The following NSMCE2 variants were observed in gnomAD, a reference collection of about 807,000 sequenced individuals.
NSMCE2 encodes the protein E3 SUMO-protein ligase NSE2.
In NSMCE2, 24 loss-of-function variants were observed where a neutral mutation model predicts 23.8. The ratio of observed to expected loss-of-function variants is 1.01; its 90% CI spans 0.73 to 1.42. The LOEUF is 1.42. Among genes scored for constraint, NSMCE2 ranks in the 40% most tolerant of loss-of-function variants. NSMCE2 has a pLI of 0.00. For missense variants in NSMCE2, 284 were observed against 296.5 expected (o/e 0.96, Z 0.31); for synonymous variants, 92 against 94.1 (o/e 0.98, Z 0.13).
intron 3 of NSMCE2, among the ~76,000 whole-genome samples, chr8:125,111,259 C>T (rs1253889949): frequency 1.3e-5 from 2 of 152,042 alleles, no homozygotes; most frequent in Admixed American, 6.6e-5. Context: ...CATTTACTGC[C>T]CTCATGAATA....
intron 5 of NSMCE2, among the ~76,000 whole-genome samples, chr8:125,205,063 C>G (rs75789746): frequency 0.028 from 4,260 of 152,262 alleles, 81 homozygotes; most frequent in Non-Finnish European, 0.041. Flanking sequence ...CTTAACATTC[C>G]TAGAAAGTAC....
intron 5 of NSMCE2, among the ~76,000 whole-genome samples, chr8:125,300,737 GAGTAGAAAGGA>G (rs1828527746): frequency 6.6e-6 from 1 of 152,178 alleles, no homozygotes; most frequent in African/African-American, 2.4e-5. Flanking sequence ...GGTGCTTTGA[GAGTAGAAAGGA>G]AGGTGGCCTG....
chr8:125,324,469 A>C (rs1275881259), intron 5 of NSMCE2, among the ~76,000 whole-genome samples: 1 of 18,100 alleles, frequency 5.5e-5, no homozygotes, highest in Non-Finnish European at 2.9e-4. Flanking sequence ...ACTACTCAGC[A>C]AAAAAAAAAA....
At chr8:125,179,487 A>T (rs1333373259) in intron 4 of NSMCE2, among the ~76,000 whole-genome samples, 4 of 151,804 alleles carry the variant, frequency 2.6e-5, no homozygotes, top group Non-Finnish European at 5.9e-5. Flanking sequence ...ATTAAAAAAT[A>T]GTTAGTGCCC....
rs568837673 is a variant in NSMCE2, at chr8:125,144,819, C to T, written c.158-6352C>T. On this transcript the variant is annotated intron_variant, in intron 3 of 7. Transcript: ENST00000287437. ...TGAATTTGATTATAACACAAAATCA[C>T]CCATTTCTGTTTAATGTTCTGTTGA... Among the ~76,000 whole-genome samples the T allele has an allele frequency of 4.6e-5, 7 of 152,272 alleles. No individual in the cohort carries two copies. In the South Asian group the frequency reaches 1.4e-3, roughly 32 times the overall value.
At chr8:125,189,644 C>T (rs1823257913) in intron 5 of NSMCE2, among the ~76,000 whole-genome samples, 1 of 152,154 alleles carries the variant, frequency 6.6e-6, no homozygotes, top group Non-Finnish European at 1.5e-5. Context: ...AAATCCTTTT[C>T]CTCTCAATAC....
At chr8:125,354,688 C>T (rs1813179798) in intron 5 of NSMCE2, among the ~76,000 whole-genome samples, 1 of 152,204 alleles carries the variant, frequency 6.6e-6, no homozygotes, top group Non-Finnish European at 1.5e-5. Context: ...GGACAGCAAG[C>T]TGGCATACAA....
intron 5 of NSMCE2, among the ~76,000 whole-genome samples, chr8:125,239,608 CAA>C (rs71295823): frequency 0.12 from 11,615 of 95,710 alleles, 393 homozygotes; most frequent in South Asian, 0.2. Context: ...GACTCTGTCT[CAA>C]AAAAAAAAAA....
At chr8:125,268,114 G>C (rs1827018604) in intron 5 of NSMCE2, among the ~76,000 whole-genome samples, 1 of 151,506 alleles carries the variant, frequency 6.6e-6, no homozygotes, top group African/African-American at 2.4e-5. Flanking sequence ...GCCACCTGTA[G>C]TTTCAGCTAC....
intron 3 of NSMCE2, among the ~76,000 whole-genome samples, chr8:125,114,055 G>A (rs1449731179): frequency 1.3e-5 from 2 of 152,124 alleles, no homozygotes; most frequent in South Asian, 2.1e-4. Context: ...TTACCTATAA[G>A]CACATGATCT....
chr8:125,356,326 GTTT>G (rs747884264), intron 5 of NSMCE2, among the ~76,000 whole-genome samples: 4 of 105,454 alleles, frequency 3.8e-5, no homozygotes, highest in East Asian at 6.1e-4. Flanking sequence ...TAATTTTTTG[GTTT>G]TTTTTTTTTT....
rs192949177 is a variant in NSMCE2 at position 125,244,990 on chromosome 8, A to G, written c.418+62734A>G. Reference sequence around the variant, plus strand: ...CAAAGTGAATTTTAAGGGATTTTAAACATTGAAATTGGCCAAGCTCTGTGG... The same window carrying G: ...CAAAGTGAATTTTAAGGGATTTTAAGCATTGAAATTGGCCAAGCTCTGTGG... On this transcript the variant is annotated intron_variant, in intron 5 of 7. Coordinates refer to ENST00000287437, the MANE Select transcript of NSMCE2 (RefSeq NM_173685.4). 7.2e-4 allele frequency among the ~76,000 whole-genome samples: 109 copies of G among 152,350 alleles called. No homozygotes were observed. In the East Asian group the frequency reaches 0.019, roughly 26 times the overall value.
rs1429881192 is a variant in NSMCE2, at chr8:125,102,439, G to T, written c.109G>T (p.Gly37Cys). 1 of 1,613,682 alleles carries T rather than the reference G, an allele frequency of 6.2e-7. No homozygotes were observed. The highest frequency in any genetic ancestry group is 1.7e-5 in the Admixed American group (1 of 59,974). ...LKNFQACINS[G>C]MDTASSVALD... ...AAACTTCCAAGCCTGTATCAACTCT[G>T]GTATGGACACAGCTTCTAGTGTTGC... Residue 37 changes from glycine (G) to cysteine (C), a missense_variant, in exon 3 of 8, where the codon GGT becomes TGT. This residue lies in a region of NSMCE2 where 182 missense variants were observed against 155.5 expected (regional missense o/e 1.17). Transcript: ENST00000287437.
At chr8:125,274,658 G>A (rs1340227962) in intron 5 of NSMCE2, among the ~76,000 whole-genome samples, 1 of 152,126 alleles carries the variant, frequency 6.6e-6, no homozygotes, top group Non-Finnish European at 1.5e-5. Flanking sequence ...GGCCAGGCAC[G>A]GTGGCTCATG....
chr8:125,311,542 G>A (rs189164114), intron 5 of NSMCE2, among the ~76,000 whole-genome samples: 173 of 152,302 alleles, frequency 1.1e-3, no homozygotes, highest in African/African-American at 1.8e-3. Flanking sequence ...TGCTTTATTC[G>A]TGGTATGTTG....
chr8:125,177,108 C>T (rs971607754), intron 4 of NSMCE2, among the ~76,000 whole-genome samples: 1 of 152,218 alleles, frequency 6.6e-6, no homozygotes, highest in African/African-American at 2.4e-5. Flanking sequence ...TCACCTCCTC[C>T]TCTACCCACA....
chr8:125,209,373 G>C (rs1824239964), intron 5 of NSMCE2, among the ~76,000 whole-genome samples: 1 of 152,140 alleles, frequency 6.6e-6, no homozygotes, highest in South Asian at 2.1e-4. Flanking sequence ...GACTAAACCG[G>C]TAGAAATAAT....
chr8:125,201,852 G>A (rs1359250238), intron 5 of NSMCE2, among the ~76,000 whole-genome samples: 1 of 152,234 alleles, frequency 6.6e-6, no homozygotes, highest in African/African-American at 2.4e-5. Flanking sequence ...GCTCCCCCAA[G>A]TTCAAGCTTC....
At chr8:125,196,210 T>C (rs1184489776) in intron 5 of NSMCE2, among the ~76,000 whole-genome samples, 1 of 151,522 alleles carries the variant, frequency 6.6e-6, no homozygotes, top group Non-Finnish European at 1.5e-5. Context: ...TTTCTTTTTT[T>C]TTTTTTTTAT....
Sources: allele counts gnomAD v4.1 joint callset (sites outside exome capture counted in the v4.1 genomes callset), GRCh38; gene constraint gnomAD v4.1.1; regional missense constraint gnomAD v4.1.1; transcripts MANE v1.5; gene names NCBI Gene and HGNC (gene_info 2026-07-23, HGNC 2026-07-21).